CASP10: variants seen among roughly 807,000 people sequenced by gnomAD.
CASP10 encodes caspase 10.
Under a neutral mutation model 48.5 loss-of-function variants are expected in CASP10, and 41 were observed. That is an observed-to-expected ratio of 0.85 (90% CI 0.66 to 1.10). The LOEUF is 1.10. Ranked by LOEUF, CASP10 falls within the 50% of genes least tolerant of loss-of-function variation. The pLI is 0.00. For synonymous variants in CASP10, 232 were observed against 238.4 expected, an observed-to-expected ratio of 0.97 and a Z score of 0.25; for missense variants, 614 against 614.5, an observed-to-expected ratio of 1.00 and a Z score of 0.01.
rs997537579 is a variant in CASP10, at chr2:201,187,868, A to C, written c.441+69A>C. ...ATCAATGATTAGAAAGATGCTGGAA[A>C]GGGTTTTTAGGGAGATTTATTTTTT... On this transcript the variant is annotated intron_variant, in intron 3 of 9. Transcript: ENST00000286186. The C allele has an allele frequency of 8.9e-6, 10 of 1,123,460 alleles. No homozygotes were observed. In the Middle Eastern group the frequency reaches 5.8e-4, roughly 66 times the overall value. The allele number at this position is 1,123,460 out of a possible 1,614,324, so 69.6% of individuals were successfully genotyped here.
intron 4 of CASP10, among the ~76,000 whole-genome samples, chr2:201,195,241 G>A (rs1036728081): frequency 2.0e-5 from 3 of 151,892 alleles, no homozygotes; most frequent in Non-Finnish European, 2.9e-5. Flanking sequence ...ACAGATGCCC[G>A]CCACCATGCC....
chr2:201,190,527 T>G (rs1944572520), intron 3 of CASP10, among the ~76,000 whole-genome samples: 1 of 152,170 alleles, frequency 6.6e-6, no homozygotes, highest in Admixed American at 6.6e-5. Flanking sequence ...CAGAGGAGAT[T>G]CCTGTAGTTT....
chr2:201,228,022 C>T (rs1945811170), intron 9 of CASP10, among the ~76,000 whole-genome samples: 3 of 152,036 alleles, frequency 2.0e-5, no homozygotes, highest in African/African-American at 7.3e-5. Flanking sequence ...TGCTATTTCA[C>T]CATTTGAAGA....
In CASP10 at chr2:201,209,111, C is replaced by T; in HGVS notation, c.964C>T (p.His322Tyr). The change falls in exon 9 of 10, where the codon CAT becomes TAT. Residue 322 changes from histidine (H) to tyrosine (Y), a missense_variant. His to Tyr is a moderately conservative substitution (Grantham distance 83). Coordinates refer to ENST00000286186, the MANE Select transcript of CASP10 (RefSeq NM_032977.4). ...HVFQWLGFTV[H>Y]IHNNVTKVEM... is the part of the protein sequence containing the mutation. ...GTTCCAGTGGCTTGGGTTCACAGTGCATATACACAATAATGTGACGAAAGT... is the reference window on the plus strand; with the variant it reads ...GTTCCAGTGGCTTGGGTTCACAGTGTATATACACAATAATGTGACGAAAGT... 6.2e-7 allele frequency: 1 copy of T among 1,609,420 alleles called. No homozygotes were observed. Among genetic ancestry groups the T allele is most frequent in the Non-Finnish European group, 8.5e-7 (1 of 1,179,258 alleles).
chr2:201,195,591 C>G (rs970871539), intron 4 of CASP10, among the ~76,000 whole-genome samples: 1 of 152,080 alleles, frequency 6.6e-6, no homozygotes, highest in African/African-American at 2.4e-5. Flanking sequence ...GTGTGTGATC[C>G]AAAGTCCAAG....
At position 201,193,119 on chromosome 2, in the gene CASP10, G is replaced by A; in HGVS notation, c.577G>A (p.Ala193Thr). The change falls in exon 4 of 10, where the codon GCT becomes ACT. Residue 193 changes from alanine to threonine, a missense_variant and splice_region_variant. Coordinates refer to ENST00000286186, the MANE Select transcript of CASP10 (RefSeq NM_032977.4). Reference protein sequence around the residue: ...RNIEKYKREKAIQIVTPPVDK... With the variant: ...RNIEKYKREKTIQIVTPPVDK... ...CATAGAGAAATACAAAAGAGAGAAA[G>A]GTAAGTAGCTTGTGATTGCTAACTT... 1.2e-6 allele frequency: 2 copies of A among 1,613,260 alleles called. No homozygotes were observed. Among genetic ancestry groups the A allele is most frequent in the Non-Finnish European group, 1.7e-6 (2 of 1,179,476 alleles).
rs1263995350 is a variant in CASP10, at chr2:201,205,964, C to A, written c.804C>A (p.Thr268=). ...CTGCTAACACTCTAAACTCTGAAACCAGCACAAAGGTCTGGATGGTTTCTT... is the reference window on the plus strand; with the variant it reads ...CTGCTAACACTCTAAACTCTGAAACAAGCACAAAGGTCTGGATGGTTTCTT... ...GASANTLNSE[T]STKRAAVYRM... is the part of the protein sequence containing the mutation. Residue 268 remains threonine (T), a synonymous_variant, in exon 7 of 10, where the codon ACC becomes ACA. Transcript: ENST00000286186. 1.4e-5 allele frequency: 22 copies of A among 1,608,962 alleles called. No individual in the cohort carries two copies. Among genetic ancestry groups the A allele is most frequent in the Non-Finnish European group, 1.9e-5 (22 of 1,175,540 alleles).
At chr2:201,187,530 C>A in intron 2 of CASP10, 176 bp from the exon 3 acceptor site, 1 of 659,256 alleles carries the variant, frequency 1.5e-6, no homozygotes, top group Non-Finnish European at 2.7e-6. Flanking sequence ...TTTATTTAAA[C>A]AAGTCACTTA....
At chr2:201,207,092 C>T (rs1440541412) in intron 7 of CASP10, among the ~76,000 whole-genome samples, 1 of 152,168 alleles carries the variant, frequency 6.6e-6, no homozygotes, top group African/African-American at 2.4e-5. Context: ...AACTCTCTGC[C>T]TCTGATACTG....
At chr2:201,198,258 C>T (rs1283483855) in intron 5 of CASP10, among the ~76,000 whole-genome samples, 2 of 146,424 alleles carry the variant, frequency 1.4e-5, no homozygotes, top group African/African-American at 5.1e-5. Context: ...GAGTCTCACT[C>T]TGTCGCCCAG....
intron 5 of CASP10, 21 bp from the exon 6 acceptor site, chr2:201,203,709 C>T: frequency 2.5e-6 from 4 of 1,609,680 alleles, no homozygotes; most frequent in Non-Finnish European, 3.4e-6. Context: ...ATGTTTCATG[C>T]CCTCCTTTCT....
chr2:201,194,839 T>C (rs936606005), intron 4 of CASP10, among the ~76,000 whole-genome samples: 2 of 151,606 alleles, frequency 1.3e-5, no homozygotes, highest in African/African-American at 4.9e-5. Flanking sequence ...AGTGCAGTAG[T>C]GTGATCTTGG....
rs1464402196 is a variant in CASP10, at chr2:201,207,964, G to A, written c.814-111G>A. On this transcript the variant is annotated intron_variant, in intron 7 of 9. Coordinates refer to ENST00000286186, the MANE Select transcript of CASP10 (RefSeq NM_032977.4). ...AAACATGGTTTAAACAACTGGCATG[G>A]GGAGATACATCCTGCTCTTCCTCAC... 6.6e-6 allele frequency: 5 copies of A among 760,198 alleles called. No homozygotes were observed. In the African/African-American group the frequency reaches 8.5e-5, roughly 13 times the overall value. The allele number at this position is 760,198 out of a possible 1,614,324, so 47.1% of individuals were successfully genotyped here.
At position 201,203,710 on chromosome 2, in the gene CASP10, C is replaced by T. The variant is rs17860401; in HGVS notation, c.685-20C>T. On this transcript the variant is annotated intron_variant, in intron 5 of 9. Transcript: ENST00000286186. Reference sequence around the variant, plus strand: ...TGTGTGAAATTCCTATGTTTCATGCCCTCCTTTCTTTTTTCTCAGCAGGAG... The same window carrying T: ...TGTGTGAAATTCCTATGTTTCATGCTCTCCTTTCTTTTTTCTCAGCAGGAG... The T allele has an allele frequency of 0.034, 55,103 of 1,608,880 alleles. 1,238 individuals are homozygous for T. Among genetic ancestry groups the T allele is most frequent in the South Asian group, 0.061 (5,580 of 90,962 alleles).
Position 201,221,251 on chromosome 2 carries a change from G to A in CASP10, c.*3510G>A, listed in dbSNP as rs1945713262. ...TTCGTGATGTCTACCGCAGCAGAAG[G>A]CCAGCTCTTGACTCTGAGTTCAGTT... On this transcript the variant is annotated 3_prime_UTR_variant, in exon 10 of 10. Transcript: ENST00000286186. 2.0e-6 allele frequency: 2 copies of A among 985,552 alleles called. No individual in the cohort carries two copies. The highest frequency in any genetic ancestry group is 1.1e-4 in the East Asian group (1 of 8,812). The allele number at this position is 985,552 out of a possible 1,614,324, so 61.1% of individuals were successfully genotyped here. A position where few individuals can be genotyped will look rare whatever the true frequency, so the allele number is the denominator to read the frequency against.
Position 201,220,277 on chromosome 2 carries a change from G to C in CASP10, c.*2536G>C, listed in dbSNP as rs1945688610. 6 of 389,040 alleles carry C rather than the reference G, an allele frequency of 1.5e-5. No individual in the cohort carries two copies. The highest frequency in any genetic ancestry group is 2.1e-5 in the Non-Finnish European group (6 of 288,128). 24.1% of individuals were successfully genotyped at this position (389,040 alleles called of 1,614,324 possible). On this transcript the variant is annotated 3_prime_UTR_variant, in exon 10 of 10. Coordinates refer to ENST00000286186, the MANE Select transcript of CASP10 (RefSeq NM_032977.4). ...CTTCTTTTCTAACAGCGAGCAGCCA[G>C]AAAGAGAAGAGAGTAAAATACAGAT...
rs745334080 is a variant in CASP10 at position 201,193,027 on chromosome 2, T to C, written c.485T>C (p.Ile162Thr). The C allele has an allele frequency of 1.9e-6, 3 of 1,613,674 alleles. No homozygotes were observed. The highest frequency in any genetic ancestry group is 2.2e-5 in the South Asian group (2 of 91,076). The change falls in exon 4 of 10, where the codon ATA becomes ACA. Residue 162 changes from isoleucine (I) to threonine (T), a missense_variant. Coordinates refer to ENST00000286186, the MANE Select transcript of CASP10 (RefSeq NM_032977.4). ...FLAFLEKQGK[I>T]DEDNLTCLED... ...GCATTTCTAGAGAAACAAGGTAAAA[T>C]AGATGAAGATAATCTGACATGCCTG...
chr2:201,203,700 T>C, intron 5 of CASP10, 30 bp from the exon 6 acceptor site: 1 of 1,604,746 alleles, frequency 6.2e-7, no homozygotes, highest in Non-Finnish European at 8.5e-7. Flanking sequence ...GAAATTCCTA[T>C]GTTTCATGCC....
intron 9 of CASP10, among the ~76,000 whole-genome samples, chr2:201,212,130 G>A (rs1342463675): frequency 6.6e-6 from 1 of 152,110 alleles, no homozygotes; most frequent in Non-Finnish European, 1.5e-5. Flanking sequence ...TGTATTTTTA[G>A]TAGAGACAGG....
Sources: allele counts gnomAD v4.1 joint callset (sites outside exome capture counted in the v4.1 genomes callset), GRCh38; gene constraint gnomAD v4.1.1; transcripts MANE v1.5; gene names NCBI Gene and HGNC (gene_info 2026-07-23, HGNC 2026-07-21).